Variants in SDK1 observed in about 807,000 individuals in gnomAD.
SDK1 encodes the protein protein sidekick-1.
A neutral mutation model predicts 245.5 loss-of-function variants in SDK1; 157 were observed. The observed-to-expected ratio is 0.64, with a 90% CI of 0.56 to 0.73. The LOEUF (loss-of-function observed/expected upper bound fraction) is 0.73. Ranked by LOEUF, SDK1 falls within the 30% of genes least tolerant of loss-of-function variation. The probability of loss-of-function intolerance (pLI) is 0.00; values close to 1 mark genes in which losing one functional copy is unlikely to be tolerated. For synonymous variants in SDK1, 1,647 were observed against 1,278.5 expected (o/e 1.29, Z -6.15); for missense variants, 3,583 against 3,002.3 (o/e 1.19, Z -4.52).
At chr7:3,843,474 T>C (rs1313106443) in intron 5 of SDK1, among the ~76,000 whole-genome samples, 1 of 152,246 alleles carries the variant, frequency 6.6e-6, no homozygotes. Flanking sequence ...CTTGACTCTT[T>C]CTTCCTCAAA....
chr7:3,790,395 G>T (rs894946065), intron 4 of SDK1, among the ~76,000 whole-genome samples: 20 of 152,192 alleles, frequency 1.3e-4, no homozygotes, highest in Non-Finnish European at 1.5e-5. Context: ...CGAGGAGCCA[G>T]CTGGCAAAGG....
intron 4 of SDK1, among the ~76,000 whole-genome samples, chr7:3,756,493 C>A (rs114552634): frequency 0.011 from 1,614 of 151,920 alleles, 32 homozygotes; most frequent in African/African-American, 0.037. Context: ...TTTCACATGG[C>A]ATTGTGCGTG....
At chr7:3,916,687 T>C (rs948676702) in intron 5 of SDK1, among the ~76,000 whole-genome samples, 2 of 152,256 alleles carry the variant, frequency 1.3e-5, no homozygotes, top group Non-Finnish European at 2.9e-5. Context: ...AGGGAAAATA[T>C]TGAATAGCAG....
At chr7:4,065,131 G>A (rs772083329) in intron 19 of SDK1, among the ~76,000 whole-genome samples, 2 of 152,140 alleles carry the variant, frequency 1.3e-5, no homozygotes, top group Non-Finnish European at 2.9e-5. Context: ...TAACTTGGCC[G>A]TTACACAGTC....
intron 38 of SDK1, among the ~76,000 whole-genome samples, chr7:4,210,859 C>T (rs775481189): frequency 1.3e-5 from 2 of 152,332 alleles, no homozygotes; most frequent in Middle Eastern, 3.4e-3. Flanking sequence ...GTGATCAGTG[C>T]TTTGGAGGAA....
intron 4 of SDK1, among the ~76,000 whole-genome samples, chr7:3,780,318 A>G (rs928110390): frequency 1.3e-5 from 2 of 152,240 alleles, no homozygotes; most frequent in Admixed American, 6.5e-5. Flanking sequence ...CTTCACAAGA[A>G]GCCCACTCTG....
chr7:3,755,670 T>TC (rs886398041), intron 4 of SDK1, among the ~76,000 whole-genome samples: 14 of 151,952 alleles, frequency 9.2e-5, no homozygotes, highest in South Asian at 2.1e-4. Context: ...ACCAACTCCT[T>TC]CCCCCCAACC....
intron 20 of SDK1, among the ~76,000 whole-genome samples, chr7:4,070,500 C>T (rs926899883): frequency 6.6e-6 from 1 of 152,150 alleles, no homozygotes; most frequent in African/African-American, 2.4e-5. Flanking sequence ...CTGCAGCATC[C>T]CAGGTGCCCT....
At chr7:4,161,752 C>A (rs777803807) in intron 31 of SDK1, 34 bp from the exon 32 acceptor site, 2 of 1,592,130 alleles carry the variant, frequency 1.3e-6, no homozygotes, top group Non-Finnish European at 1.7e-6. Flanking sequence ...TAACAACCAC[C>A]CTGACCCCCG....
intron 4 of SDK1, among the ~76,000 whole-genome samples, chr7:3,655,809 C>T (rs931514180): frequency 3.9e-5 from 6 of 151,934 alleles, no homozygotes; most frequent in Non-Finnish European, 5.9e-5. Context: ...AAACAGGTTT[C>T]AGTCCCGGCC....
Position 4,266,502 on chromosome 7 carries a change from T to A in SDK1, c.*1118T>A. 1 of 985,396 alleles carries A rather than the reference T, an allele frequency of 1.0e-6. No individual in the cohort carries two copies. Among genetic ancestry groups the A allele is most frequent in the Non-Finnish European group, 1.2e-6 (1 of 829,912 alleles). The allele number at this position is 985,396 out of a possible 1,614,324, so 61.0% of individuals were successfully genotyped here. A position where few individuals can be genotyped will look rare whatever the true frequency, so the allele number is the denominator to read the frequency against. ...GCAGCAGCCACCGCTTCTCCACCACTGGCGCTGCTGCTGCCCCCTCTCCCA... is the reference window on the plus strand; with the variant it reads ...GCAGCAGCCACCGCTTCTCCACCACAGGCGCTGCTGCTGCCCCCTCTCCCA... On this transcript the variant is annotated 3_prime_UTR_variant, in exon 45 of 45. Transcript: ENST00000404826.
chr7:4,198,683 C>T (rs917767197), intron 35 of SDK1, among the ~76,000 whole-genome samples: 2 of 152,116 alleles, frequency 1.3e-5, no homozygotes, highest in Admixed American at 6.5e-5. Flanking sequence ...TAAAGTTGTG[C>T]GACTCCCACC....
intron 1 of SDK1, among the ~76,000 whole-genome samples, chr7:3,564,808 C>G (rs543833063): frequency 2.6e-5 from 4 of 151,890 alleles, no homozygotes; most frequent in Non-Finnish European, 5.9e-5. Flanking sequence ...TGAACTAATC[C>G]AGAAAACAGT....
At chr7:3,438,822 C>G (rs6948360) in intron 1 of SDK1, among the ~76,000 whole-genome samples, 16,043 of 44,266 alleles carry the variant, frequency 0.36, 1,165 homozygotes, top group African/African-American at 0.48. Context: ...TTGGCAGCAA[C>G]CCTGTTTTCT....
chr7:4,029,713 T>A (rs1562696106), intron 17 of SDK1, among the ~76,000 whole-genome samples: 1 of 152,182 alleles, frequency 6.6e-6, no homozygotes, highest in Non-Finnish European at 1.5e-5. Context: ...CAACAAACTC[T>A]AGCATGCTGG....
chr7:3,648,922 T>C (rs1782927304), intron 4 of SDK1, among the ~76,000 whole-genome samples: 1 of 152,242 alleles, frequency 6.6e-6, no homozygotes, highest in African/African-American at 2.4e-5. Flanking sequence ...TAATCACTTC[T>C]GCAATCCTTT....
At chr7:3,385,407 A>G (rs1445605840) in intron 1 of SDK1, among the ~76,000 whole-genome samples, 2 of 152,152 alleles carry the variant, frequency 1.3e-5, no homozygotes, top group African/African-American at 4.8e-5. Flanking sequence ...TGAAGATACT[A>G]ATTTTCATAA....
At chr7:3,545,459 C>T (rs1779190725) in intron 1 of SDK1, among the ~76,000 whole-genome samples, 1 of 152,204 alleles carries the variant, frequency 6.6e-6, no homozygotes, top group Admixed American at 6.5e-5. Flanking sequence ...TAGCTGTCCC[C>T]TGTAGAAGTC....
intron 5 of SDK1, among the ~76,000 whole-genome samples, chr7:3,899,931 C>A (rs189537299): frequency 6.6e-6 from 1 of 152,388 alleles, no homozygotes; most frequent in East Asian, 1.9e-4. Context: ...TTACCTCACA[C>A]ATTCCCTTGA....
Sources: gnomAD v4.1 joint callset for allele counts (sites outside exome capture counted in the v4.1 genomes callset) on GRCh38, gnomAD v4.1.1 for gene constraint, MANE v1.5 for transcripts, NCBI Gene and HGNC (gene_info 2026-07-23, HGNC 2026-07-21) for gene names.